The following ACAA2 variants were observed in gnomAD, a reference collection of about 807,000 sequenced individuals.
ACAA2 encodes acetyl-CoA acyltransferase 2.
Under a neutral mutation model 44.8 loss-of-function variants are expected in ACAA2, and 35 were observed. That is an observed-to-expected ratio of 0.78 (90% CI 0.60 to 1.04). ACAA2 has a LOEUF of 1.04. Ranked by LOEUF, ACAA2 falls within the 50% of genes least tolerant of loss-of-function variation. ACAA2 has a pLI of 0.00. For missense variants in ACAA2, 468 were observed against 482.6 expected (o/e 0.97, Z 0.28); for synonymous variants, 142 against 166.5 (o/e 0.85, Z 1.13).
At chr18:49,787,120 TCAA>T (rs1829961550) in intron 8 of ACAA2, among the ~76,000 whole-genome samples, 168 bp downstream of exon 8, 1 of 152,042 alleles carries the variant, frequency 6.6e-6, no homozygotes, top group Admixed American at 6.5e-5. Flanking sequence ...GGGAAAAGTA[TCAA>T]CACAAGGCAT....
rs75066137 is a variant in ACAA2 at position 49,796,685 on chromosome 18, T to C, written c.312+781A>G. Among the ~76,000 whole-genome samples the C allele has an allele frequency of 6.0e-3, 916 of 152,312 alleles. 10 individuals carry two copies. Among genetic ancestry groups the C allele is most frequent in the African/African-American group, 0.02 (852 of 41,568 alleles). ...TCCTTTGAAATAAAATACATTTCCT[T>C]ATCCTCTCCTAAATTCTTGAGATTT... On this transcript the variant is annotated intron_variant, in intron 3 of 9. Coordinates refer to ENST00000285093, the MANE Select transcript of ACAA2 (RefSeq NM_006111.3).
chr18:49,804,210 C>A (rs2143974715), intron 1 of ACAA2, among the ~76,000 whole-genome samples: 1 of 152,222 alleles, frequency 6.6e-6, no homozygotes. Context: ...CCACTCCCGG[C>A]CCCAACGAAT....
intron 7 of ACAA2, 102 bp downstream of exon 7, chr18:49,791,368 T>C (rs2023396579): frequency 9.3e-7 from 1 of 1,079,420 alleles, no homozygotes. Context: ...TTCTTTTCTC[T>C]ACAGGTGACC....
At chr18:49,789,989 C>T (rs2023379705) in intron 7 of ACAA2, among the ~76,000 whole-genome samples, 1 of 152,126 alleles carries the variant, frequency 6.6e-6, no homozygotes, top group Admixed American at 6.5e-5. Flanking sequence ...TCTTGGGCTC[C>T]ACTCTGGACT....
chr18:49,802,682 C>G lies in ACAA2; in HGVS notation c.183+5G>C. 6.2e-7 allele frequency: 1 copy of G among 1,612,140 alleles called. No individual in the cohort carries two copies. Among genetic ancestry groups the G allele is most frequent in the Non-Finnish European group, 8.5e-7 (1 of 1,179,174 alleles). On this transcript the variant is annotated splice_donor_5th_base_variant and intron_variant, in intron 2 of 9. Transcript: ENST00000285093. ...GGAGTGAACACCTTCCTTTACTCTA[C>G]TAACCTGCAGGACATTGCCCATAAT...
intron 8 of ACAA2, chr18:49,785,566 G>T: frequency 1.8e-6 from 1 of 546,150 alleles, no homozygotes. Flanking sequence ...GCATCCCTTA[G>T]AGGCAATTCT....
At chr18:49,809,158 C>A (rs2023641711) in intron 1 of ACAA2, among the ~76,000 whole-genome samples, 1 of 152,170 alleles carries the variant, frequency 6.6e-6, no homozygotes, top group Non-Finnish European at 1.5e-5. Context: ...TACTGCCCGA[C>A]CCCGCAGGCA....
intron 1 of ACAA2, among the ~76,000 whole-genome samples, chr18:49,806,600 T>C (rs541590): frequency 0.85 from 128,672 of 152,232 alleles, 54,443 homozygotes; most frequent in East Asian, 0.95. Context: ...ATTCATAATA[T>C]AATTCAAAGT....
At chr18:49,792,470 A>G (rs1257696897) in intron 5 of ACAA2, 143 bp from the exon 6 acceptor site, 13 of 793,374 alleles carry the variant, frequency 1.6e-5, no homozygotes, top group Non-Finnish European at 2.3e-5. Context: ...TTTGAGATGG[A>G]GTCTCACATT....
At chr18:49,809,390 GAT>G (rs2023644502) in intron 1 of ACAA2, among the ~76,000 whole-genome samples, 2 of 152,330 alleles carry the variant, frequency 1.3e-5, no homozygotes, top group African/African-American at 4.8e-5. Flanking sequence ...TTAGGGAAGT[GAT>G]AAATGTCCAT....
In ACAA2 at chr18:49,785,246, G is replaced by C; in HGVS notation, c.1060C>G (p.Leu354Val). Residue 354 changes from leucine (L) to valine (V), a missense_variant, in exon 9 of 10, where the codon CTG becomes GTG. Transcript: ENST00000285093. ...GTAATTCTTGATCCAGATCCTCCCA[G>C]TGGGTGACCCAAAGCAATGGCTCCT... ...NGGAIALGHP[L>V]GGSGSRITAH... 1 of 1,614,160 alleles carries C rather than the reference G, an allele frequency of 6.2e-7. No individual in the cohort carries two copies. Among genetic ancestry groups the C allele is most frequent in the Non-Finnish European group, 8.5e-7 (1 of 1,180,008 alleles).
chr18:49,794,324 T>A lies in ACAA2; in HGVS notation c.533A>T (p.Glu178Val), dbSNP rs1161827523. ...LAVKHKISREECDKYALQSQQ... is the reference protein window; with the variant it reads ...LAVKHKISREVCDKYALQSQQ... ...TGACTGCAGGGCATATTTGTCACATTCTTCTCTGCTTATTTTGTGTTTTAC... is the reference window on the plus strand; with the variant it reads ...TGACTGCAGGGCATATTTGTCACATACTTCTCTGCTTATTTTGTGTTTTAC... Residue 178 changes from glutamate (E) to valine (V), a missense_variant, in exon 5 of 10, where the codon GAA (glutamate) becomes GTA (valine). Glu to Val is a moderately radical substitution (Grantham distance 121). Coordinates refer to ENST00000285093, the MANE Select transcript of ACAA2 (RefSeq NM_006111.3). The A allele has an allele frequency of 1.2e-6, 2 of 1,610,302 alleles. No homozygotes were observed. Among genetic ancestry groups the A allele is most frequent in the Non-Finnish European group, 1.7e-6 (2 of 1,179,456 alleles).
At chr18:49,786,921 A>AATAGAAAAGC (rs2023337015) in intron 8 of ACAA2, among the ~76,000 whole-genome samples, 1 of 152,176 alleles carries the variant, frequency 6.6e-6, no homozygotes, top group African/African-American at 2.4e-5. Context: ...ATTTGGCACT[A>AATAGAAAAGC]AATATTGCTT....
At chr18:49,812,030 G>T (rs2023676321) in intron 1 of ACAA2, among the ~76,000 whole-genome samples, 1 of 152,058 alleles carries the variant, frequency 6.6e-6, no homozygotes, top group South Asian at 2.1e-4. Flanking sequence ...TCCTTTTTTA[G>T]AAGATAGCTC....
chr18:49,803,893 A>G (rs1220715976), intron 1 of ACAA2, among the ~76,000 whole-genome samples: 2 of 149,916 alleles, frequency 1.3e-5, no homozygotes, highest in African/African-American at 4.9e-5. Context: ...TGGACAACAT[A>G]AACTAATGAT....
At chr18:49,809,464 C>T (rs929434896) in intron 1 of ACAA2, among the ~76,000 whole-genome samples, 6 of 152,238 alleles carry the variant, frequency 3.9e-5, no homozygotes, top group African/African-American at 1.4e-4. Flanking sequence ...TTCAGGGTCC[C>T]TGACTTCCCA....
At chr18:49,807,432 A>G (rs2023620995) in intron 1 of ACAA2, among the ~76,000 whole-genome samples, 1 of 152,216 alleles carries the variant, frequency 6.6e-6, no homozygotes, top group Admixed American at 6.5e-5. Context: ...AACTCTTAGA[A>G]CATACGAGAA....
intron 2 of ACAA2, among the ~76,000 whole-genome samples, chr18:49,800,640 G>A (rs2023536261): frequency 6.6e-6 from 1 of 152,176 alleles, no homozygotes; most frequent in African/African-American, 2.4e-5. Flanking sequence ...GTCCACTCAA[G>A]GTTAAATGGA....
chr18:49,806,158 C>A (rs2023608409), intron 1 of ACAA2, among the ~76,000 whole-genome samples: 4 of 152,188 alleles, frequency 2.6e-5, no homozygotes, highest in Non-Finnish European at 4.4e-5. Context: ...TAGCAACTAA[C>A]TTGAAGACTA....
Sources: gnomAD v4.1 joint callset for allele counts (sites outside exome capture counted in the v4.1 genomes callset) on GRCh38, gnomAD v4.1.1 for gene constraint, MANE v1.5 for transcripts, NCBI Gene and HGNC (gene_info 2026-07-23, HGNC 2026-07-21) for gene names.